Variants in SANBR observed in about 807,000 individuals in gnomAD.
SANBR encodes SANT and BTB domain regulator of class switch recombination.
SANBR carries 77 observed loss-of-function variants against 101.8 expected under a neutral mutation model. The observed-to-expected ratio is 0.76, with a 90% CI of 0.63 to 0.91. SANBR has a LOEUF of 0.91. SANBR is among the 40% of genes least tolerant of loss of function. The pLI is 0.00. For missense variants in SANBR, 875 were observed against 853.0 expected (o/e 1.03, Z -0.32); for synonymous variants, 279 against 274.7 (o/e 1.02, Z -0.15).
chr2:61,095,934 C>A (rs1025212122), intron 11 of SANBR, among the ~76,000 whole-genome samples: 1 of 152,152 alleles, frequency 6.6e-6, no homozygotes, highest in Admixed American at 6.5e-5. Context: ...TTCTTCACCC[C>A]AGGCCTTGTG....
intron 21 of SANBR, among the ~76,000 whole-genome samples, chr2:61,121,843 G>A (rs1684342744): frequency 6.6e-6 from 1 of 152,136 alleles, no homozygotes; most frequent in African/African-American, 2.4e-5. Flanking sequence ...GCACTGAGCT[G>A]CTGTGATACC....
At chr2:61,082,459 T>G (rs1682183934) in intron 7 of SANBR, among the ~76,000 whole-genome samples, 1 of 151,848 alleles carries the variant, frequency 6.6e-6, no homozygotes, top group Non-Finnish European at 1.5e-5. Flanking sequence ...ACTGAGAAAA[T>G]TCGGAATTGA....
rs771992978 is a variant in SANBR at position 61,106,597 on chromosome 2, A to G, written c.1546A>G (p.Ile516Val). ...VGVGLCDEKG[I>V]ECDVLLEPNT... is the part of the protein sequence containing the mutation. ...GGTTGGCCTCTGTGATGAAAAGGGT[A>G]TAGAATGTGATGTTTTACTGGAGCC... is the stretch of plus-strand genomic sequence containing the variant. The change falls in exon 14 of 22, where the codon ATA becomes GTA. Residue 516 changes from isoleucine (I) to valine (V), a missense_variant. By Grantham distance (29) the Ile-to-Val change is conservative. Coordinates refer to ENST00000402291, the MANE Select transcript of SANBR (RefSeq NM_001129993.3). 10 of 1,602,848 alleles carry G rather than the reference A, an allele frequency of 6.2e-6. No homozygotes were observed. The South Asian group carries it at 1.0e-4, about 16-fold the overall frequency.
Position 61,122,158 on chromosome 2 carries a change from C to T in SANBR, c.2153C>T (p.Ala718Val), listed in dbSNP as rs1684356457. The T allele has an allele frequency of 2.6e-6, 4 of 1,549,480 alleles. No individual in the cohort carries two copies. The highest frequency in any genetic ancestry group is 4.9e-5 in the East Asian group (2 of 40,994). Reference sequence around the variant, plus strand: ...AGTCGTTTTGGTCAAGGGCGTCCTGCATAAAGTACCTTAAAATATAAGTAA... The same window carrying T: ...AGTCGTTTTGGTCAAGGGCGTCCTGTATAAAGTACCTTAAAATATAAGTAA... ...SKSRFGQGRP[A>V] The change falls in exon 22 of 22, where the codon GCA (alanine) becomes GTA (valine). Residue 718 changes from alanine to valine, a missense_variant. Coordinates refer to ENST00000402291, the MANE Select transcript of SANBR (RefSeq NM_001129993.3).
At chr2:61,070,540 C>A in intron 3 of SANBR, 40 bp downstream of exon 3, 1 of 1,559,786 alleles carries the variant, frequency 6.4e-7, no homozygotes, top group South Asian at 1.2e-5. Flanking sequence ...TGAAAATGTT[C>A]AGAAAAGGTC....
chr2:61,121,360 CAT>C (rs1684323935), intron 21 of SANBR, 84 bp downstream of exon 21: 2 of 829,536 alleles, frequency 2.4e-6, no homozygotes, highest in South Asian at 1.7e-5. Context: ...ACACTAGAAA[CAT>C]ATCATTTGAG....
Position 61,088,163 on chromosome 2 carries a change from C to G in SANBR, c.895C>G (p.Leu299Val), listed in dbSNP as rs1156475162. 6.3e-7 allele frequency: 1 copy of G among 1,594,220 alleles called. No homozygotes were observed. Among genetic ancestry groups the G allele is most frequent in the East Asian group, 2.2e-5 (1 of 44,564 alleles). Residue 299 changes from leucine (L) to valine (V), a missense_variant, in exon 9 of 22, where the codon CTT becomes GTT. Coordinates refer to ENST00000402291, the MANE Select transcript of SANBR (RefSeq NM_001129993.3). ...TTGGTCATTTGTTGTTAATAGCAAA[C>G]TTTTTTGTAAGAAGATTGAAAGACT... Reference protein sequence around the residue: ...KDKKDKFKSKLFCKKIERLFD... With the variant: ...KDKKDKFKSKVFCKKIERLFD...
intron 16 of SANBR, among the ~76,000 whole-genome samples, chr2:61,113,172 A>G (rs766928782): frequency 6.6e-6 from 1 of 152,156 alleles, no homozygotes. Context: ...GTTTTCTTCC[A>G]TTGATTCTTA....
chr2:61,097,683 A>G lies in SANBR; in HGVS notation c.1213-17A>G. On this transcript the variant is annotated splice_polypyrimidine_tract_variant and intron_variant, in intron 11 of 21. Transcript: ENST00000402291. Reference sequence around the variant, plus strand: ...TGTTGTGGAAATAGTAGTTGATTTTATCTATGTCTTTATCAGGCCTTTCTC... The same window carrying G: ...TGTTGTGGAAATAGTAGTTGATTTTGTCTATGTCTTTATCAGGCCTTTCTC... 1 of 1,552,680 alleles carries G rather than the reference A, an allele frequency of 6.4e-7. No homozygotes were observed. Among genetic ancestry groups the G allele is most frequent in the Non-Finnish European group, 8.8e-7 (1 of 1,136,832 alleles).
chr2:61,107,375 A>G (rs368835277), intron 14 of SANBR, among the ~76,000 whole-genome samples: 5 of 152,214 alleles, frequency 3.3e-5, no homozygotes, highest in African/African-American at 1.2e-4. Context: ...TGGGTGACAG[A>G]GTGAGACCCT....
downstream of SANBR, among the ~76,000 whole-genome samples, chr2:61,126,361 T>A (rs1449002542): frequency 1.3e-5 from 2 of 152,230 alleles, no homozygotes; most frequent in African/African-American, 4.8e-5. Context: ...CATGAAGTAC[T>A]ACAAATGCCT....
rs763665326 is a variant in SANBR, at chr2:61,071,620, TGATGAATTAAAGA to T, written c.167_179del (p.Asp56AlafsTer14). 1 of 1,559,298 alleles carries T rather than the reference TGATGAATTAAAGA, an allele frequency of 6.4e-7. No homozygotes were observed. Among genetic ancestry groups the T allele is most frequent in the South Asian group, 1.2e-5 (1 of 81,810 alleles). On this transcript the variant is annotated frameshift_variant, in exon 4 of 22. Coordinates refer to ENST00000402291, the MANE Select transcript of SANBR (RefSeq NM_001129993.3). LOFTEE classifies it high-confidence loss of function. The stretch of plus-strand genomic sequence containing the variant: ...TATTATGACAGTGTGCAAAAAGGTT[TGATGAATTAAAGA>T]GCAGTGGAAGCTCGCCTGTTGACAA...
At chr2:61,109,615 C>G (rs1683725924) in intron 16 of SANBR, among the ~76,000 whole-genome samples, 2 of 150,668 alleles carry the variant, frequency 1.3e-5, no homozygotes, top group African/African-American at 4.9e-5. Flanking sequence ...CTCAAATGAA[C>G]CATTAAATAA....
chr2:61,073,668 G>T, intron 5 of SANBR, 117 bp downstream of exon 5: 1 of 537,974 alleles, frequency 1.9e-6, no homozygotes. Flanking sequence ...TGAAACTACT[G>T]GAATCAGCTT....
At chr2:61,122,063 G>A in intron 21 of SANBR, 63 bp from the exon 22 acceptor site, 1 of 1,535,146 alleles carries the variant, frequency 6.5e-7, no homozygotes, top group Non-Finnish European at 8.8e-7. Context: ...TAATCTAAAG[G>A]AGCACCAACT....
chr2:61,108,333 A>G lies in SANBR; in HGVS notation c.1628A>G (p.Asn543Ser). ...GTCTTGTAGTTCTTGTCATTGAAAA[A>G]CTGGACTCTACAACTGGTAAGTGAG... is the stretch of plus-strand genomic sequence containing the variant. ...GELNAFLSLK[N>S]WTLQLKQQSL... The change falls in exon 15 of 22, where the codon AAC becomes AGC. Residue 543 changes from asparagine to serine, a missense_variant. Asn to Ser is a conservative substitution (Grantham distance 46). Transcript: ENST00000402291. 3 of 1,575,510 alleles carry G rather than the reference A, an allele frequency of 1.9e-6. No homozygotes were observed. Among genetic ancestry groups the G allele is most frequent in the Non-Finnish European group, 1.7e-6 (2 of 1,157,196 alleles).
rs1431143953 is a variant in SANBR at position 61,117,499 on chromosome 2, C to T, written c.1898C>T (p.Thr633Ile). The change falls in exon 19 of 22, where the codon ACA (threonine) becomes ATA (isoleucine). Residue 633 changes from threonine to isoleucine, a missense_variant. Transcript: ENST00000402291. The part of the protein sequence containing the change: ...MSMQKNKWDA[T>I]RSLRFNQDAQ... ...ATGCAGAAGAATAAGTGGGATGCCA[C>T]AAGATCCTTGAGATTCAACCAGGAT... 6.2e-7 allele frequency: 1 copy of T among 1,613,714 alleles called. No homozygotes were observed. Among genetic ancestry groups the T allele is most frequent in the African/African-American group, 1.3e-5 (1 of 74,902 alleles).
At chr2:61,134,965 A>G (rs1477969638) in intron 21 of SANBR, among the ~76,000 whole-genome samples, 1 of 151,830 alleles carries the variant, frequency 6.6e-6, no homozygotes, top group Non-Finnish European at 1.5e-5. Context: ...GAAGGTGGGC[A>G]GATCACCTGA....
Position 61,097,706 on chromosome 2 carries a change from C to A in SANBR, c.1219C>A (p.Leu407Ile). ...TTATCTATGTCTTTATCAGGCCTTT[C>A]TCTGTATTGAATTTTCACATTGTCA... Reference protein sequence around the residue: ...LTCSRCYQAFLCIEFSHCQYH... With the variant: ...LTCSRCYQAFICIEFSHCQYH... Residue 407 changes from leucine (L) to isoleucine (I), a missense_variant, in exon 12 of 22, where the codon CTC becomes ATC. By Grantham distance (5) the Leu-to-Ile change is conservative. Transcript: ENST00000402291. The A allele has an allele frequency of 6.3e-7, 1 of 1,598,698 alleles. No individual in the cohort carries two copies. The highest frequency in any genetic ancestry group is 1.7e-4 in the Middle Eastern group (1 of 6,002).
Sources: gnomAD v4.1 joint callset for allele counts (sites outside exome capture counted in the v4.1 genomes callset) on GRCh38, gnomAD v4.1.1 for gene constraint, MANE v1.5 for transcripts, NCBI Gene and HGNC (gene_info 2026-07-23, HGNC 2026-07-21) for gene names.